ASAP1: variants seen among roughly 807,000 people sequenced by gnomAD.
The protein encoded by ASAP1 is ArfGAP with SH3 domain, ankyrin repeat and PH domain 1.
A neutral mutation model predicts 145.2 loss-of-function variants in ASAP1; 43 were observed. The ratio of observed to expected loss-of-function variants is 0.30; its 90% CI spans 0.23 to 0.38. The LOEUF (loss-of-function observed/expected upper bound fraction) is 0.38, where lower values mean the gene tolerates loss of function less well. ASAP1 is among the 10% of genes least tolerant of loss of function. The probability of loss-of-function intolerance (pLI) is 1.00; values close to 1 mark genes in which losing one functional copy is unlikely to be tolerated. For synonymous variants in ASAP1, 546 were observed against 515.5 expected (o/e 1.06, Z -0.80); for missense variants, 1,018 against 1,355.3 (o/e 0.75, Z 3.91).
At chr8:130,116,597 A>C in intron 22 of ASAP1, 81 bp downstream of exon 22, 1 of 1,232,990 alleles carries the variant, frequency 8.1e-7, no homozygotes, top group South Asian at 1.3e-5. Flanking sequence ...CTGCATTTTT[A>C]ATATTCAATT....
chr8:130,245,016 A>G (rs1818763136), intron 3 of ASAP1, among the ~76,000 whole-genome samples: 1 of 152,154 alleles, frequency 6.6e-6, no homozygotes, highest in Admixed American at 6.5e-5. Context: ...AACAACACCC[A>G]CAGTTAGTGG....
intron 5 of ASAP1, among the ~76,000 whole-genome samples, chr8:130,198,034 G>C (rs898679091): frequency 1.3e-5 from 2 of 151,870 alleles, no homozygotes; most frequent in Non-Finnish European, 2.9e-5. Flanking sequence ...TCTTTTCTTC[G>C]GCCTCTTGAA....
chr8:130,346,211 C>A (rs1399196791), intron 3 of ASAP1, among the ~76,000 whole-genome samples: 1 of 152,216 alleles, frequency 6.6e-6, no homozygotes, highest in Non-Finnish European at 1.5e-5. Context: ...GAGGTACTTA[C>A]AATCTACTAA....
intron 3 of ASAP1, among the ~76,000 whole-genome samples, chr8:130,243,107 G>A (rs1305549386): frequency 6.6e-6 from 1 of 152,102 alleles, no homozygotes; most frequent in Non-Finnish European, 1.5e-5. Context: ...TTAACCAGCT[G>A]CAGGCCTCCT....
chr8:130,330,489 A>G (rs998072095), intron 3 of ASAP1, among the ~76,000 whole-genome samples: 3 of 152,212 alleles, frequency 2.0e-5, no homozygotes, highest in African/African-American at 7.2e-5. Flanking sequence ...ACCTGTGAAC[A>G]CCTTTGGGAC....
chr8:130,434,373 T>C (rs1830235908), intron 1 of ASAP1, among the ~76,000 whole-genome samples: 1 of 152,132 alleles, frequency 6.6e-6, no homozygotes, highest in South Asian at 2.1e-4. Flanking sequence ...ACTAACTATA[T>C]GACCTCAGGG....
intron 29 of ASAP1, 43 bp downstream of exon 29, chr8:130,057,911 C>G (rs1405860900): frequency 2.5e-6 from 4 of 1,605,916 alleles, no homozygotes; most frequent in Non-Finnish European, 3.4e-6. Flanking sequence ...CCCAGGCATG[C>G]TGTATGAATG....
chr8:130,108,521 G>A (rs893542374), intron 24 of ASAP1, among the ~76,000 whole-genome samples: 9 of 152,102 alleles, frequency 5.9e-5, no homozygotes, highest in Admixed American at 4.6e-4. Context: ...AGGCTTGGCC[G>A]GGTGTGGTGG....
intron 3 of ASAP1, among the ~76,000 whole-genome samples, chr8:130,243,276 C>T (rs1254820234): frequency 6.6e-6 from 1 of 152,120 alleles, no homozygotes; most frequent in Non-Finnish European, 1.5e-5. Flanking sequence ...CACATCATTC[C>T]ACTCTACCTT....
chr8:130,190,029 T>C (rs551239796), intron 5 of ASAP1, among the ~76,000 whole-genome samples: 2 of 152,366 alleles, frequency 1.3e-5, no homozygotes, highest in East Asian at 3.9e-4. Flanking sequence ...GAGATCCTTA[T>C]ATATTCTGGT....
rs1410670105 is a variant in ASAP1, at chr8:130,054,528, C to T, written c.*203G>A. On this transcript the variant is annotated 3_prime_UTR_variant, in exon 30 of 30. Transcript: ENST00000518721. ...ATGGCTTTGGCAAACCAGTAAGGCG[C>T]GCCGGGTCCGAGGCTACCCTCATAC... The T allele has an allele frequency of 1.0e-5, 5 of 487,354 alleles. No homozygotes were observed. Among genetic ancestry groups the T allele is most frequent in the East Asian group, 3.6e-5 (1 of 27,572 alleles). The allele number at this position is 487,354 out of a possible 1,614,324, so 30.2% of individuals were successfully genotyped here. A position where few individuals can be genotyped will look rare whatever the true frequency, so the allele number is the denominator to read the frequency against.
chr8:130,256,754 T>TATCC lies in ASAP1; in HGVS notation c.187-19761_187-19760insGGAT, dbSNP rs1356133520. On this transcript the variant is annotated intron_variant, in intron 3 of 29. Coordinates refer to ENST00000518721, the MANE Select transcript of ASAP1 (RefSeq NM_018482.4). ...ATACACATTCTTATATATATATATATATATATATATATATATATATATATA... is the reference window on the plus strand; with the variant it reads ...ATACACATTCTTATATATATATATATATCCATATATATATATATATATATATATA... 7.7e-4 allele frequency among the ~76,000 whole-genome samples: 53 copies of TATCC among 68,954 alleles called. 1 individual carries two copies. The highest frequency in any genetic ancestry group is 3.9e-3 in the Admixed American group (32 of 8,182). The allele number at this position is 68,954 out of a possible 152,430, so 45.2% of individuals were successfully genotyped here. A position where few individuals can be genotyped will look rare whatever the true frequency, so the allele number is the denominator to read the frequency against.
chr8:130,179,858 G>T (rs1814223625), intron 8 of ASAP1, among the ~76,000 whole-genome samples: 1 of 152,050 alleles, frequency 6.6e-6, no homozygotes, highest in Non-Finnish European at 1.5e-5. Flanking sequence ...CTTGTACTGT[G>T]CACTGGTCAA....
chr8:130,136,254 T>C (rs2097594470), intron 14 of ASAP1, among the ~76,000 whole-genome samples: 1 of 152,112 alleles, frequency 6.6e-6, no homozygotes, highest in Non-Finnish European at 1.5e-5. Flanking sequence ...CCCAACTCTT[T>C]ACACACTATG....
chr8:130,172,128 T>C (rs1408528430), intron 9 of ASAP1, among the ~76,000 whole-genome samples: 2 of 152,190 alleles, frequency 1.3e-5, no homozygotes, highest in Admixed American at 6.5e-5. Flanking sequence ...AGATAGGACA[T>C]GTGAAACTAC....
intron 3 of ASAP1, among the ~76,000 whole-genome samples, chr8:130,307,676 G>C (rs1030281785): frequency 6.6e-6 from 1 of 152,180 alleles, no homozygotes; most frequent in Non-Finnish European, 1.5e-5. Flanking sequence ...TCATCTAACA[G>C]CTTGGTGAGG....
chr8:130,148,270 GA>G (rs1251450914), intron 13 of ASAP1, among the ~76,000 whole-genome samples: 1 of 152,190 alleles, frequency 6.6e-6, no homozygotes, highest in East Asian at 1.9e-4. Flanking sequence ...TTTAAGGCTG[GA>G]AAACTGGTCC....
intron 4 of ASAP1, among the ~76,000 whole-genome samples, chr8:130,216,587 T>C (rs372111620): frequency 1.3e-5 from 2 of 152,300 alleles, no homozygotes; most frequent in African/African-American, 4.8e-5. Flanking sequence ...GTTCTTCATC[T>C]CTCTGACCTC....
At chr8:130,275,688 T>C (rs2791339) in intron 3 of ASAP1, among the ~76,000 whole-genome samples, 137,122 of 152,182 alleles carry the variant, frequency 0.9, 61,984 homozygotes, top group East Asian at 0.97. Context: ...GTAAGCATTT[T>C]GATGCTTTTA....
Sources: gnomAD v4.1 joint callset for allele counts (sites outside exome capture counted in the v4.1 genomes callset) on GRCh38, gnomAD v4.1.1 for gene constraint, MANE v1.5 for transcripts, NCBI Gene and HGNC (gene_info 2026-07-23, HGNC 2026-07-21) for gene names.